Variants in MBD5 observed in about 807,000 individuals in gnomAD.
MBD5 encodes the protein methyl-CpG binding domain protein 5, also known as methyl-CpG-binding domain protein 5.
MBD5 carries 13 observed loss-of-function variants against 117.3 expected under a neutral mutation model. The observed-to-expected ratio is 0.11, with a 90% CI of 0.07 to 0.18. The LOEUF is 0.18. Among genes scored for constraint, MBD5 ranks in the 10% least tolerant of loss-of-function variants. The pLI, the probability that MBD5 is intolerant of heterozygous loss-of-function variation, is 1.00. For missense variants in MBD5, 1,879 were observed against 2,093.8 expected (o/e 0.90, Z 2.00); for synonymous variants, 727 against 766.4 (o/e 0.95, Z 0.85).
chr2:148,439,130 G>C (rs967879843), intron 4 of MBD5, among the ~76,000 whole-genome samples: 4 of 152,122 alleles, frequency 2.6e-5, no homozygotes, highest in African/African-American at 9.7e-5. Context: ...ACGTACAAGT[G>C]AAAATCACTA....
At chr2:148,344,175 A>T (rs532536303) in intron 4 of MBD5, among the ~76,000 whole-genome samples, 1 of 151,986 alleles carries the variant, frequency 6.6e-6, no homozygotes, top group Non-Finnish European at 1.5e-5. Flanking sequence ...TGATCTATGC[A>T]TCTGTTTTTA....
intron 4 of MBD5, among the ~76,000 whole-genome samples, chr2:148,385,775 C>T (rs1440694400): frequency 3.7e-5 from 4 of 108,446 alleles, no homozygotes; most frequent in Admixed American, 1.8e-4. Context: ...GAATACTATG[C>T]AGCCATAAAA....
At chr2:148,443,376 A>G (rs1031565819) in intron 4 of MBD5, among the ~76,000 whole-genome samples, 2 of 151,416 alleles carry the variant, frequency 1.3e-5, no homozygotes, top group Non-Finnish European at 2.9e-5. Flanking sequence ...CATATGATCC[A>G]GCAATCTCAC....
intron 2 of MBD5, among the ~76,000 whole-genome samples, chr2:148,228,178 T>C (rs958869632): frequency 3.9e-5 from 6 of 152,206 alleles, no homozygotes; most frequent in African/African-American, 1.4e-4. Context: ...AGGGCATCCC[T>C]GTCTTGTGCC....
At chr2:148,198,990 AAT>A (rs1699066912) in intron 2 of MBD5, among the ~76,000 whole-genome samples, 1 of 151,782 alleles carries the variant, frequency 6.6e-6, no homozygotes, top group Non-Finnish European at 1.5e-5. Context: ...TATATATATG[AAT>A]ATATCATATA....
At chr2:148,254,192 G>C (rs963715306) in intron 3 of MBD5, among the ~76,000 whole-genome samples, 5 of 152,200 alleles carry the variant, frequency 3.3e-5, no homozygotes, top group Admixed American at 6.5e-5. Flanking sequence ...CAAGGCTCTT[G>C]ACTGCCTTAA....
rs371014306 is a variant in MBD5, at chr2:148,469,953, C to G, written c.2010C>G (p.Leu670=). Residue 670 remains leucine, a synonymous_variant, in exon 8 of 14, where the codon CTC becomes CTG. Transcript: ENST00000642680. Reference sequence around the variant, plus strand: ...CACCTACGACAGTGTTGAGTTTGCTCAGACAGTCTCAAATGGATAGTTCTG... The same window carrying G: ...CACCTACGACAGTGTTGAGTTTGCTGAGACAGTCTCAAATGGATAGTTCTG... The part of the protein sequence containing the change: ...KQPPTTVLSL[L]RQSQMDSSAV... 2.9e-5 allele frequency: 46 copies of G among 1,613,836 alleles called. No homozygotes were observed. In the African/African-American group the frequency reaches 5.7e-4, roughly 20 times the overall value.
At position 148,154,434 on chromosome 2, in the gene MBD5, C is replaced by G. The variant is rs562095682; in HGVS notation, c.-924-24266C>G. ...GGTGGAGCCTACAGAGGCAGGCAGG[C>G]CTCCTTGAGCTGTGGTGGGCTCCAC... On this transcript the variant is annotated intron_variant, in intron 1 of 13. Coordinates refer to ENST00000642680, the MANE Select transcript of MBD5 (RefSeq NM_001378120.1). Among the ~76,000 whole-genome samples the G allele has an allele frequency of 7.4e-3, 1,122 of 152,132 alleles. 4 individuals are homozygous for G. The highest frequency in any genetic ancestry group is 0.011 in the Non-Finnish European group (748 of 67,970).
intron 1 of MBD5, among the ~76,000 whole-genome samples, chr2:148,036,580 T>C (rs1694200431): frequency 6.6e-6 from 1 of 152,110 alleles, no homozygotes; most frequent in Admixed American, 6.5e-5. Flanking sequence ...CTGAATATCT[T>C]TTTTAGCCAT....
intron 4 of MBD5, among the ~76,000 whole-genome samples, chr2:148,378,670 A>AT (rs958743791): frequency 6.6e-6 from 1 of 152,014 alleles, no homozygotes; most frequent in Admixed American, 6.6e-5. Context: ...ATTGTAATCA[A>AT]TTTTTTAAAA....
chr2:148,448,836 A>G lies in MBD5; in HGVS notation c.-556-9367A>G, dbSNP rs1000104247. 2.0e-5 allele frequency among the ~76,000 whole-genome samples: 3 copies of G among 152,078 alleles called. No individual in the cohort carries two copies. The East Asian group carries it at 5.8e-4, about 29-fold the overall frequency. ...ATATCAAGCTGCATCCTGAGTAGACAAAACAGTAGTAATGCACAGATAAGA... is the reference window on the plus strand; with the variant it reads ...ATATCAAGCTGCATCCTGAGTAGACGAAACAGTAGTAATGCACAGATAAGA... On this transcript the variant is annotated intron_variant, in intron 4 of 13. Transcript: ENST00000642680.
chr2:148,272,985 AG>A (rs1343540791), intron 3 of MBD5, among the ~76,000 whole-genome samples: 2 of 152,220 alleles, frequency 1.3e-5, no homozygotes, highest in Non-Finnish European at 2.9e-5. Flanking sequence ...TTCTAGACAA[AG>A]TACAGAATGA....
chr2:148,249,044 A>C (rs1345881184), intron 3 of MBD5, among the ~76,000 whole-genome samples: 1 of 152,276 alleles, frequency 6.6e-6, no homozygotes, highest in East Asian at 1.9e-4. Flanking sequence ...AAGCAAAACT[A>C]TACAAATTTT....
Position 148,021,465 on chromosome 2 carries a change from G to A in MBD5, c.-1144G>A, listed in dbSNP as rs945827095. The A allele has an allele frequency of 1.9e-6, 1 of 530,922 alleles. No homozygotes were observed. 32.9% of individuals were successfully genotyped at this position (530,922 alleles called of 1,614,324 possible). A position where few individuals can be genotyped will look rare whatever the true frequency, so the allele number is the denominator to read the frequency against. ...ACACAGACCCTTTGCTGCTGCTGTT[G>A]CTGCTGCTGCTGCTGTTGCTGCTGC... On this transcript the variant is annotated 5_prime_UTR_variant, in exon 1 of 14. Coordinates refer to ENST00000642680, the MANE Select transcript of MBD5 (RefSeq NM_001378120.1).
chr2:148,386,467 C>T (rs1301563208), intron 4 of MBD5, among the ~76,000 whole-genome samples: 4 of 151,904 alleles, frequency 2.6e-5, no homozygotes, highest in Admixed American at 2.0e-4. Flanking sequence ...GCCTGTAATC[C>T]CAGCACTTTG....
chr2:148,072,401 T>G (rs751229183), intron 1 of MBD5, among the ~76,000 whole-genome samples: 2 of 152,210 alleles, frequency 1.3e-5, no homozygotes, highest in African/African-American at 2.4e-5. Flanking sequence ...TAGGTAAGAC[T>G]TCTATTATAG....
chr2:148,202,948 C>CA (rs569629403), intron 2 of MBD5, among the ~76,000 whole-genome samples: 181 of 151,716 alleles, frequency 1.2e-3, no homozygotes, highest in Middle Eastern at 0.01. Context: ...ACTAGAAATA[C>CA]AAAAAAATTA....
chr2:148,288,235 C>T (rs1019317163), intron 3 of MBD5, among the ~76,000 whole-genome samples: 1 of 99,228 alleles, frequency 1.0e-5, no homozygotes, highest in Admixed American at 1.0e-4. Flanking sequence ...CCCGTCTCTA[C>T]TAAAAATACA....
chr2:148,151,015 G>A (rs1460109600), intron 1 of MBD5, among the ~76,000 whole-genome samples: 12 of 149,562 alleles, frequency 8.0e-5, no homozygotes, highest in Non-Finnish European at 3.0e-5. Flanking sequence ...TCCCTGTCTT[G>A]TGCCAGTTTT....
Sources: gnomAD v4.1 joint callset for allele counts (sites outside exome capture counted in the v4.1 genomes callset) on GRCh38, gnomAD v4.1.1 for gene constraint, MANE v1.5 for transcripts, NCBI Gene and HGNC (gene_info 2026-07-23, HGNC 2026-07-21) for gene names.